TECTA: variants seen among roughly 807,000 people sequenced by gnomAD.
TECTA encodes alpha-tectorin.
Under a neutral mutation model 216.8 loss-of-function variants are expected in TECTA, and 128 were observed. That is an observed-to-expected ratio of 0.59 (90% CI 0.51 to 0.68). The LOEUF is 0.68. Ranked by LOEUF, TECTA falls within the 30% of genes least tolerant of loss-of-function variation. The pLI is 0.00. For synonymous variants in TECTA, 1,089 were observed against 1,117.1 expected, an observed-to-expected ratio of 0.97 and a Z score of 0.50; for missense variants, 2,551 against 2,786.2, an observed-to-expected ratio of 0.92 and a Z score of 1.90.
At chr11:121,171,941 T>C (rs1173948103) in intron 20 of TECTA, among the ~76,000 whole-genome samples, 1 of 152,178 alleles carries the variant, frequency 6.6e-6, no homozygotes, top group Non-Finnish European at 1.5e-5. Flanking sequence ...GGACTTCTAG[T>C]ACTATGTTAA....
intron 13 of TECTA, among the ~76,000 whole-genome samples, chr11:121,157,065 C>G (rs180764052): frequency 7.9e-5 from 12 of 152,276 alleles, no homozygotes; most frequent in Admixed American, 3.9e-4. Flanking sequence ...AATGGTTAAT[C>G]AGAAGTGTTG....
rs1946635683 is a variant in TECTA at position 121,128,257 on chromosome 11, T to A, written c.2280T>A (p.Asp760Glu). The A allele has an allele frequency of 6.3e-7, 1 of 1,599,986 alleles. No homozygotes were observed. The highest frequency in any genetic ancestry group is 8.5e-7 in the Non-Finnish European group (1 of 1,179,956). The change falls in exon 9 of 24, where the codon GAT becomes GAA. Residue 760 changes from aspartate (D) to glutamate (E), a missense_variant. Asp to Glu is a conservative substitution (Grantham distance 45). This residue lies in a region of TECTA where 2,375 missense variants were observed against 2,563.9 expected (regional missense o/e 0.93). Coordinates refer to ENST00000392793, the MANE Select transcript of TECTA (RefSeq NM_005422.4). ...TCGACATCAACAAGAAGAAGCCCGA[T>A]GCAGGACCTGCTTGGCTGCGGGGAC... ...LEIDINKKKP[D>E]AGPAWLRGLR...
intron 13 of TECTA, among the ~76,000 whole-genome samples, chr11:121,156,277 C>T (rs1335299389): frequency 3.9e-5 from 6 of 152,128 alleles, no homozygotes; most frequent in Non-Finnish European, 7.4e-5. Context: ...CAGGCTTAAG[C>T]GGTCCTCCCA....
rs1192730986 is a variant in TECTA, at chr11:121,124,441, A to G, written c.1204-861A>G. Among the ~76,000 whole-genome samples the G allele has an allele frequency of 2.0e-5, 3 of 149,976 alleles. 1 individual carries two copies. The highest frequency in any genetic ancestry group is 4.2e-4 in the South Asian group (2 of 4,726). ...TCCTGGATTTCTCTGCCCTTCCCCCACTCTTCCTTTGGCCACTTCTGTTTA... is the reference window on the plus strand; with the variant it reads ...TCCTGGATTTCTCTGCCCTTCCCCCGCTCTTCCTTTGGCCACTTCTGTTTA... On this transcript the variant is annotated intron_variant, in intron 7 of 23. Coordinates refer to ENST00000392793, the MANE Select transcript of TECTA (RefSeq NM_005422.4).
At chr11:121,147,380 C>G (rs916170553) in intron 12 of TECTA, among the ~76,000 whole-genome samples, 3 of 151,988 alleles carry the variant, frequency 2.0e-5, no homozygotes, top group African/African-American at 4.8e-5. Flanking sequence ...ACTGGATTCA[C>G]GTAGATTGTA....
chr11:121,109,723 A>G, intron 4 of TECTA: 1 of 569,576 alleles, frequency 1.8e-6, no homozygotes, highest in Non-Finnish European at 3.1e-6. Flanking sequence ...CCTATCACAA[A>G]TCATCACTAA....
Position 121,141,804 on chromosome 11 carries a change from G to C in TECTA, c.3544-3751G>C, listed in dbSNP as rs149943711. On this transcript the variant is annotated intron_variant, in intron 11 of 23. Coordinates refer to ENST00000392793, the MANE Select transcript of TECTA (RefSeq NM_005422.4). ...GATGTCTGTTCTCTACCAAGTCCTCGGGGTAGAAAAATGAATCAAACATGG... is the reference window on the plus strand; with the variant it reads ...GATGTCTGTTCTCTACCAAGTCCTCCGGGTAGAAAAATGAATCAAACATGG... 3.7e-4 allele frequency among the ~76,000 whole-genome samples: 56 copies of C among 152,284 alleles called. 1 individual carries two copies. The highest frequency in any genetic ancestry group is 7.0e-4 in the African/African-American group (29 of 41,560).
chr11:121,183,818 C>T (rs767822656), intron 20 of TECTA, among the ~76,000 whole-genome samples: 7 of 152,174 alleles, frequency 4.6e-5, no homozygotes, highest in Non-Finnish European at 1.0e-4. Flanking sequence ...AATTTAGTCT[C>T]ACTCTATTGC....
intron 1 of TECTA, among the ~76,000 whole-genome samples, chr11:121,102,216 T>G (rs1946352513): frequency 6.6e-6 from 1 of 152,150 alleles, no homozygotes; most frequent in Non-Finnish European, 1.5e-5. Flanking sequence ...CCAACTTTTG[T>G]TTGATTCTGA....
Position 121,127,947 on chromosome 11 carries a change from A to G in TECTA, c.1970A>G (p.His657Arg), listed in dbSNP as rs1331570548. The change falls in exon 9 of 24, where the codon CAC (histidine) becomes CGC (arginine). Residue 657 changes from histidine (H) to arginine (R), a missense_variant. His to Arg is a conservative substitution (Grantham distance 29). Coordinates refer to ENST00000392793, the MANE Select transcript of TECTA (RefSeq NM_005422.4). This position sits in a 1 kb window ranked among gnomAD's most constrained non-coding sequence, Gnocchi z 5.0. ...LHKCGCDFDG[H>R]YYTMGEFFWA... ...AAGTGCGGCTGCGACTTCGACGGCC[A>G]CTACTACACCATGGGGGAGTTCTTC... 4 of 1,614,182 alleles carry G rather than the reference A, an allele frequency of 2.5e-6. No individual in the cohort carries two copies. The highest frequency in any genetic ancestry group is 2.2e-5 in the South Asian group (2 of 91,090).
intron 20 of TECTA, among the ~76,000 whole-genome samples, chr11:121,175,366 G>A (rs558446719): frequency 2.0e-5 from 3 of 152,176 alleles, no homozygotes; most frequent in Admixed American, 2.0e-4. Context: ...TGCTTTGAGT[G>A]TGTCCCAGAG....
chr11:121,189,498 C>T (rs567153173), intron 22 of TECTA, among the ~76,000 whole-genome samples: 5 of 151,942 alleles, frequency 3.3e-5, no homozygotes, highest in South Asian at 2.1e-4. Context: ...CTCAGCCTCC[C>T]GAGTAGCTGG....
chr11:121,134,417 T>C (rs1353514518), intron 10 of TECTA, among the ~76,000 whole-genome samples: 5 of 151,906 alleles, frequency 3.3e-5, no homozygotes, highest in Admixed American at 6.5e-5. Flanking sequence ...GAGAGCTTAG[T>C]GGTTGTCATC....
intron 1 of TECTA, among the ~76,000 whole-genome samples, chr11:121,101,917 A>G (rs996187180): frequency 1.3e-5 from 2 of 152,220 alleles, no homozygotes; most frequent in Admixed American, 6.5e-5. Context: ...CCGATTGTAA[A>G]CTAACACGAA....
chr11:121,109,480 A>C lies in TECTA; in HGVS notation c.468A>C (p.Gly156=), dbSNP rs1417927794. The part of the protein sequence containing the change: ...IVTWEEVTFY[G]GSSTTPVNTF... ...CATGGGAGGAAGTCACGTTTTATGG[A>C]GGCAGCAGCACCACACCTGTAATAA... Residue 156 remains glycine (G), a synonymous_variant, in exon 4 of 24, where the codon GGA becomes GGC. Coordinates refer to ENST00000392793, the MANE Select transcript of TECTA (RefSeq NM_005422.4). 1.2e-6 allele frequency: 2 copies of C among 1,614,030 alleles called. No homozygotes were observed. The highest frequency in any genetic ancestry group is 1.7e-6 in the Non-Finnish European group (2 of 1,180,024).
At chr11:121,156,505 G>A (rs1946942408) in intron 13 of TECTA, among the ~76,000 whole-genome samples, 1 of 152,018 alleles carries the variant, frequency 6.6e-6, no homozygotes, top group Non-Finnish European at 1.5e-5. Context: ...CACCATGCCT[G>A]GCGAGTTTTT....
chr11:121,167,398 C>A (rs769048868), intron 18 of TECTA, among the ~76,000 whole-genome samples: 1 of 152,222 alleles, frequency 6.6e-6, no homozygotes, highest in African/African-American at 2.4e-5. Flanking sequence ...TACCACGGCA[C>A]TCCATCCTGG....
intron 7 of TECTA, among the ~76,000 whole-genome samples, chr11:121,122,826 C>T (rs2135073679): frequency 6.7e-6 from 1 of 149,584 alleles, no homozygotes; most frequent in South Asian, 2.1e-4. Flanking sequence ...GCACTCCAGC[C>T]TGGGAGACAG....
At chr11:121,130,786 G>A (rs1273729991) in intron 10 of TECTA, among the ~76,000 whole-genome samples, 2 of 152,172 alleles carry the variant, frequency 1.3e-5, no homozygotes, top group East Asian at 3.9e-4. Flanking sequence ...GATTATCAGG[G>A]AAGCCACAGG....
Sources: gnomAD v4.1 joint callset for allele counts (sites outside exome capture counted in the v4.1 genomes callset) on GRCh38, gnomAD v4.1.1 for gene constraint, gnomAD v4.1.1 regional missense constraint, Gnocchi (gnomAD v3.1) non-coding constraint, MANE v1.5 for transcripts, NCBI Gene and HGNC (gene_info 2026-07-23, HGNC 2026-07-21) for gene names.